The following CTNNA2 variants were observed in gnomAD, a reference collection of about 807,000 sequenced individuals.
CTNNA2 encodes the protein catenin alpha-2.
In CTNNA2, 42 loss-of-function variants were observed where a neutral mutation model predicts 101.0. The observed-to-expected ratio is 0.42, with a 90% CI of 0.32 to 0.54. The LOEUF (loss-of-function observed/expected upper bound fraction) is 0.54, where lower values mean the gene tolerates loss of function less well. CTNNA2 is among the 20% of genes least tolerant of loss of function. CTNNA2 has a pLI of 0.14. For synonymous variants in CTNNA2, 450 were observed against 456.4 expected (o/e 0.99, Z 0.18); for missense variants, 871 against 1,223.1 (o/e 0.71, Z 4.29).
chr2:80,133,703 C>T (rs1702538876), intron 7 of CTNNA2, among the ~76,000 whole-genome samples: 1 of 152,164 alleles, frequency 6.6e-6, no homozygotes, highest in Non-Finnish European at 1.5e-5. Flanking sequence ...CCTGTTGCAT[C>T]AGAATCAGAT....
At chr2:80,179,355 T>A (rs1049856465) in intron 7 of CTNNA2, among the ~76,000 whole-genome samples, 1 of 152,092 alleles carries the variant, frequency 6.6e-6, no homozygotes, top group Non-Finnish European at 1.5e-5. Flanking sequence ...ACCACCTCCA[T>A]GTCTTTCAAG....
intron 7 of CTNNA2, among the ~76,000 whole-genome samples, chr2:80,032,240 T>C (rs1695338154): frequency 6.6e-6 from 1 of 152,152 alleles, no homozygotes; most frequent in African/African-American, 2.4e-5. Flanking sequence ...ATACACGTTC[T>C]TCAGGGAAGT....
chr2:79,490,829 C>A (rs1162633363), intron 4 of CTNNA2, among the ~76,000 whole-genome samples: 1 of 152,116 alleles, frequency 6.6e-6, no homozygotes, highest in Non-Finnish European at 1.5e-5. Context: ...GCCAGAAGAT[C>A]CAGGCATTTT....
At chr2:79,300,680 A>C (rs1172312813) in intron 2 of CTNNA2, among the ~76,000 whole-genome samples, 1 of 152,186 alleles carries the variant, frequency 6.6e-6, no homozygotes, top group African/African-American at 2.4e-5. Context: ...TATATTTCTT[A>C]AAAAATTCTC....
At chr2:80,393,707 G>A (rs138472997) in intron 8 of CTNNA2, among the ~76,000 whole-genome samples, 30 of 152,278 alleles carry the variant, frequency 2.0e-4, no homozygotes, top group Non-Finnish European at 2.6e-4. Flanking sequence ...TTAATCTGAT[G>A]GGTTAATTAA....
At chr2:79,764,931 C>A (rs1673036681) in intron 3 of CTNNA2, among the ~76,000 whole-genome samples, 1 of 152,026 alleles carries the variant, frequency 6.6e-6, no homozygotes, top group Non-Finnish European at 1.5e-5. Context: ...GAGCTGACAA[C>A]CGGGTAGGAT....
intron 1 of CTNNA2, among the ~76,000 whole-genome samples, chr2:79,566,859 A>G (rs1675147405): frequency 6.6e-6 from 1 of 152,182 alleles, no homozygotes; most frequent in South Asian, 2.1e-4. Flanking sequence ...TCTTGTTGCT[A>G]GAATTCCTTC....
intron 9 of CTNNA2, among the ~76,000 whole-genome samples, chr2:80,506,261 G>C (rs1382635110): frequency 6.6e-6 from 1 of 152,168 alleles, no homozygotes; most frequent in African/African-American, 2.4e-5. Context: ...GGAGGAGGCA[G>C]CACTTGGGCT....
intron 2 of CTNNA2, among the ~76,000 whole-genome samples, chr2:79,215,617 G>A (rs1674244773): frequency 6.6e-6 from 1 of 152,150 alleles, no homozygotes; most frequent in Admixed American, 6.5e-5. Flanking sequence ...CAGGGTTGCT[G>A]TCAAACGAGT....
intron 1 of CTNNA2, among the ~76,000 whole-genome samples, chr2:79,521,571 T>C (rs1415005575): frequency 6.6e-6 from 1 of 152,088 alleles, no homozygotes; most frequent in Non-Finnish European, 1.5e-5. Context: ...GCTGGGACTA[T>C]GTATGGGATT....
At chr2:80,584,209 A>G (rs1695778233) in intron 14 of CTNNA2, among the ~76,000 whole-genome samples, 1 of 152,152 alleles carries the variant, frequency 6.6e-6, no homozygotes, top group African/African-American at 2.4e-5. Context: ...CCCTGCAGCA[A>G]GTCCTCCCAT....
intron 4 of CTNNA2, among the ~76,000 whole-genome samples, chr2:79,467,922 A>G (rs1670956995): frequency 6.6e-6 from 1 of 152,180 alleles, no homozygotes; most frequent in Admixed American, 6.5e-5. Context: ...CACTGCAAAA[A>G]CATGCCAAAT....
At chr2:80,423,390 A>G (rs990571661) in intron 9 of CTNNA2, among the ~76,000 whole-genome samples, 2 of 152,134 alleles carry the variant, frequency 1.3e-5, no homozygotes, top group East Asian at 1.9e-4. Context: ...TCACTTATCC[A>G]TGTGGGTCCA....
intron 7 of CTNNA2, among the ~76,000 whole-genome samples, chr2:80,344,384 A>C (rs1177196235): frequency 6.6e-6 from 1 of 151,926 alleles, no homozygotes; most frequent in Non-Finnish European, 1.5e-5. Flanking sequence ...CTGACTCCCA[A>C]ATTTATGTCT....
chr2:79,973,258 C>T (rs544373254), intron 7 of CTNNA2, among the ~76,000 whole-genome samples: 2 of 152,076 alleles, frequency 1.3e-5, no homozygotes, highest in Non-Finnish European at 2.9e-5. Flanking sequence ...GATGTTAGCA[C>T]GTTTTTCATG....
At chr2:79,912,533 G>A (rs1359547332) in intron 7 of CTNNA2, among the ~76,000 whole-genome samples, 1 of 152,230 alleles carries the variant, frequency 6.6e-6, no homozygotes, top group Non-Finnish European at 1.5e-5. Context: ...AAAAGGCTGG[G>A]TGAACAGAGG....
intron 7 of CTNNA2, among the ~76,000 whole-genome samples, chr2:80,047,712 A>C (rs1331252300): frequency 6.6e-6 from 1 of 152,190 alleles, no homozygotes; most frequent in Non-Finnish European, 1.5e-5. Flanking sequence ...CAGATTTGCT[A>C]CCCACAGGGG....
chr2:80,165,286 A>AT (rs1169569789), intron 7 of CTNNA2, among the ~76,000 whole-genome samples: 2 of 143,520 alleles, frequency 1.4e-5, no homozygotes, highest in East Asian at 2.1e-4. Flanking sequence ...CTAGTTCCTG[A>AT]TTTTTTTCTT....
chr2:80,152,665 G>A (rs891783176), intron 7 of CTNNA2, among the ~76,000 whole-genome samples: 8 of 150,452 alleles, frequency 5.3e-5, no homozygotes, highest in South Asian at 2.1e-4. Context: ...AGATGCAAAT[G>A]AACATAATGT....
Sources: allele counts gnomAD v4.1 joint callset (sites outside exome capture counted in the v4.1 genomes callset), GRCh38; gene constraint gnomAD v4.1.1; transcripts MANE v1.5; gene names NCBI Gene and HGNC (gene_info 2026-07-23, HGNC 2026-07-21).